Variants in SGCB observed in about 807,000 individuals in gnomAD.
SGCB encodes sarcoglycan beta, also known as beta-sarcoglycan.
Under a neutral mutation model 27.3 loss-of-function variants are expected in SGCB, and 25 were observed. The ratio of observed to expected loss-of-function variants is 0.92; its 90% CI spans 0.67 to 1.28. SGCB has a LOEUF of 1.28. Ranked by LOEUF, SGCB falls within the 50% of genes most tolerant of loss-of-function variation. SGCB has a pLI of 0.00. For missense variants in SGCB, 436 were observed against 402.1 expected (o/e 1.08, Z -0.72); for synonymous variants, 147 against 133.5 (o/e 1.10, Z -0.70).
intron 5 of SGCB, among the ~76,000 whole-genome samples, chr4:52,026,701 C>T (rs1253910255): frequency 2.0e-5 from 3 of 151,964 alleles, no homozygotes; most frequent in Non-Finnish European, 4.4e-5. Flanking sequence ...GGTTATTTTC[C>T]TTTAACAGTA....
rs1736993929 is a variant in SGCB at position 52,022,910 on chromosome 4, G to C, written c.*1047C>G. The C allele has an allele frequency of 6.6e-6, 1 of 152,068 alleles. No individual in the cohort carries two copies. The highest frequency in any genetic ancestry group is 1.5e-5 in the Non-Finnish European group (1 of 68,002). The allele number at this position is 152,068 out of a possible 1,614,324, so 9.4% of individuals were successfully genotyped here. On this transcript the variant is annotated 3_prime_UTR_variant, in exon 6 of 6. Coordinates refer to ENST00000381431, the MANE Select transcript of SGCB (RefSeq NM_000232.5). ...ATCGGACAGTGATTGGTCCTTTCTG[G>C]GTCTGACATGAGATTTATTTTCTTT...
intron 2 of SGCB, among the ~76,000 whole-genome samples, chr4:52,030,547 T>A (rs1011354011): frequency 2.6e-5 from 4 of 152,212 alleles, no homozygotes; most frequent in African/African-American, 9.6e-5. Flanking sequence ...CCTCCACTAT[T>A]TCTGTAAAAT....
chr4:52,025,176 T>C (rs1215593488), intron 5 of SGCB, among the ~76,000 whole-genome samples: 1 of 152,168 alleles, frequency 6.6e-6, no homozygotes, highest in African/African-American at 2.4e-5. Flanking sequence ...GCCCAAGTTC[T>C]TATTGAGTTG....
At chr4:52,030,187 CCTT>C (rs1449403647) in intron 2 of SGCB, among the ~76,000 whole-genome samples, 5 of 151,998 alleles carry the variant, frequency 3.3e-5, no homozygotes, top group South Asian at 4.2e-4. Context: ...GAATTTATCT[CCTT>C]ATTTCTAAAT....
At chr4:52,030,135 C>G (rs1442573876) in intron 2 of SGCB, among the ~76,000 whole-genome samples, 1 of 152,088 alleles carries the variant, frequency 6.6e-6, no homozygotes, top group Middle Eastern at 3.2e-3. Flanking sequence ...ACATCTCATT[C>G]CCAGGAACAA....
chr4:52,031,965 G>A (rs2109374462), intron 2 of SGCB: 1 of 456,188 alleles, frequency 2.2e-6, no homozygotes, highest in Non-Finnish European at 4.4e-6. Flanking sequence ...CAGGGAGCTG[G>A]AGGTGGAGAA....
In SGCB at chr4:52,037,759, C is replaced by T. The variant is rs1560570306; in HGVS notation, c.33+468G>A. ...CGTGAGGGGAAATCTGGGATGTCTG[C>T]ATATTGGAGATGGCAGAAACAAAAA... On this transcript the variant is annotated intron_variant, in intron 1 of 5. Coordinates refer to ENST00000381431, the MANE Select transcript of SGCB (RefSeq NM_000232.5). Among the ~76,000 whole-genome samples the T allele has an allele frequency of 3.3e-5, 5 of 152,176 alleles. No homozygotes were observed. The South Asian group carries it at 1.0e-3, about 32-fold the overall frequency.
chr4:52,025,873 G>A (rs1002305317), intron 5 of SGCB, among the ~76,000 whole-genome samples: 2 of 152,130 alleles, frequency 1.3e-5, no homozygotes, highest in East Asian at 3.9e-4. Flanking sequence ...TGGACTGATG[G>A]GTGTCATTTA....
chr4:52,036,331 T>C (rs1315164854), intron 1 of SGCB, among the ~76,000 whole-genome samples: 2 of 152,108 alleles, frequency 1.3e-5, no homozygotes, highest in Non-Finnish European at 2.9e-5. Context: ...TCACTTTATG[T>C]GGATGGTGAG....
intron 4 of SGCB, among the ~76,000 whole-genome samples, chr4:52,028,324 C>T (rs962268175): frequency 6.6e-6 from 1 of 152,160 alleles, no homozygotes; most frequent in Non-Finnish European, 1.5e-5. Flanking sequence ...GGAATATATT[C>T]TTTTATACTA....
rs1167459675 is a variant in SGCB, at chr4:52,031,959, G to A, written c.243+1472C>T. On this transcript the variant is annotated intron_variant, in intron 2 of 5. Transcript: ENST00000381431. ...TTCTGTCTCTTGCCTGGCTGCCAGG[G>A]AGCTGGAGGTGGAGAATGAGGAAAA... 4 of 456,204 alleles carry A rather than the reference G, an allele frequency of 8.8e-6. No homozygotes were observed. The East Asian group carries it at 2.8e-4, about 32-fold the overall frequency. 28.3% of individuals were successfully genotyped at this position (456,204 alleles called of 1,614,324 possible). A position where few individuals can be genotyped will look rare whatever the true frequency, so the allele number is the denominator to read the frequency against.
At position 52,023,095 on chromosome 4, in the gene SGCB, C is replaced by A. The variant is rs1165502499; in HGVS notation, c.*862G>T. On this transcript the variant is annotated 3_prime_UTR_variant, in exon 6 of 6. Coordinates refer to ENST00000381431, the MANE Select transcript of SGCB (RefSeq NM_000232.5). ...GAATCAAGTACATCCAGGTTTGAGT[C>A]ATGCCTGAATTCCAATCCCAACTCT... 1 of 152,184 alleles carries A rather than the reference C, an allele frequency of 6.6e-6. No homozygotes were observed. The highest frequency in any genetic ancestry group is 2.4e-5 in the African/African-American group (1 of 41,440). 9.4% of individuals were successfully genotyped at this position (152,184 alleles called of 1,614,324 possible).
chr4:52,029,660 G>C lies in SGCB; in HGVS notation c.429+18C>G. ...CCCTCTCCTGTTTGCATTTCTTTCA[G>C]TTAATGTGGCAACTTACAGGCTGGT... On this transcript the variant is annotated intron_variant, in intron 3 of 5. Transcript: ENST00000381431. 6.3e-7 allele frequency: 1 copy of C among 1,578,858 alleles called. No individual in the cohort carries two copies. The highest frequency in any genetic ancestry group is 8.7e-7 in the Non-Finnish European group (1 of 1,148,004).
chr4:52,035,764 T>C (rs1236997171), intron 1 of SGCB, among the ~76,000 whole-genome samples: 1 of 152,142 alleles, frequency 6.6e-6, no homozygotes, highest in Non-Finnish European at 1.5e-5. Flanking sequence ...ACAGAATTTG[T>C]AGTCAGGTTC....
chr4:52,029,984 A>G (rs1737208806), intron 2 of SGCB, 121 bp from the exon 3 acceptor site: 2 of 730,420 alleles, frequency 2.7e-6, no homozygotes, highest in East Asian at 5.4e-5. Flanking sequence ...TCAGTGAGGT[A>G]AATATATCAA....
At chr4:52,033,744 G>C (rs1472852425) in intron 1 of SGCB, 104 bp from the exon 2 acceptor site, 11 of 856,860 alleles carry the variant, frequency 1.3e-5, no homozygotes, top group Non-Finnish European at 2.0e-5. Flanking sequence ...ATTGGTTACT[G>C]ACACATTTTC....
Position 52,028,738 on chromosome 4 carries a change from T to A in SGCB, c.613A>T (p.Thr205Ser), listed in dbSNP as rs202114068. 15 of 1,607,472 alleles carry A rather than the reference T, an allele frequency of 9.3e-6. No homozygotes were observed. The highest frequency in any genetic ancestry group is 6.7e-5 in the East Asian group (3 of 44,820). ...VKSLNVQKAS[T>S]ERITSNATSD... ...AAGCCAATAAATCATACCCTTTCAG[T>A]AGATGCCTTTTGAACATTCAAACTT... is the stretch of plus-strand genomic sequence containing the variant. The change falls in exon 4 of 6, where the codon ACT becomes TCT. Residue 205 changes from threonine (T) to serine (S), a missense_variant. Thr to Ser is a moderately conservative substitution (Grantham distance 58, BLOSUM62 1). Coordinates refer to ENST00000381431, the MANE Select transcript of SGCB (RefSeq NM_000232.5).
Position 52,038,240 on chromosome 4 carries a change from GCCGCCGCCGCTGCCGCCATCTTCCCGCGC to G in SGCB, c.-10_19del. 1 of 1,288,062 alleles carries G rather than the reference GCCGCCGCCGCTGCCGCCATCTTCCCGCGC, an allele frequency of 7.8e-7. No homozygotes were observed. The highest frequency in any genetic ancestry group is 3.0e-5 in the Admixed American group (1 of 32,844). The allele number at this position is 1,288,062 out of a possible 1,614,324, so 79.8% of individuals were successfully genotyped here. ...GTACTCACAGACCTGTTCTGCAGCC[GCCGCCGCCGCTGCCGCCATCTTCCCGCGC>G]CCGCCGCCGCCGAGCTCCCCGCCCG... is the stretch of plus-strand genomic sequence containing the variant. On this transcript the variant is annotated start_lost and 5_prime_UTR_variant, in exon 1 of 6. Transcript: ENST00000381431.
chr4:52,027,004 CCATCT>C (rs1458359959), intron 5 of SGCB, among the ~76,000 whole-genome samples: 1 of 152,104 alleles, frequency 6.6e-6, no homozygotes, highest in Non-Finnish European at 1.5e-5. Context: ...CATTTTATGT[CCATCT>C]TTATTATTTA....
Sources: allele counts gnomAD v4.1 joint callset (sites outside exome capture counted in the v4.1 genomes callset), GRCh38; gene constraint gnomAD v4.1.1; transcripts MANE v1.5; gene names NCBI Gene and HGNC (gene_info 2026-07-23, HGNC 2026-07-21).